The following VPS13C variants were observed in gnomAD, a reference collection of about 807,000 sequenced individuals.
VPS13C encodes intermembrane lipid transfer protein VPS13C.
In VPS13C, 358 loss-of-function variants were observed where a neutral mutation model predicts 456.8. The ratio of observed to expected loss-of-function variants is 0.78; its 90% CI spans 0.72 to 0.86. VPS13C has a LOEUF of 0.86. VPS13C is among the 40% of genes least tolerant of loss of function. The probability of loss-of-function intolerance (pLI) is 0.00; values close to 1 mark genes in which losing one functional copy is unlikely to be tolerated. For missense variants in VPS13C, 4,818 were observed against 4,385.4 expected (o/e 1.10, Z -2.79); for synonymous variants, 1,578 against 1,486.7 (o/e 1.06, Z -1.41).
Position 61,891,361 on chromosome 15 carries a change from A to G in VPS13C, c.9106-961T>C, listed in dbSNP as rs952365609. 2.0e-4 allele frequency among the ~76,000 whole-genome samples: 30 copies of G among 152,202 alleles called. 1 individual carries two copies. Among genetic ancestry groups the G allele is most frequent in the Admixed American group, 2.0e-3 (30 of 15,284 alleles). ...CAACTGAAGTTACCAAGAGTATAAG[A>G]ATAGTTGAGTGTCACTAATGTTCAA... On this transcript the variant is annotated intron_variant, in intron 66 of 84. Transcript: ENST00000644861.
chr15:61,987,371 A>C (rs1224588985), intron 18 of VPS13C, among the ~76,000 whole-genome samples: 1 of 152,214 alleles, frequency 6.6e-6, no homozygotes, highest in Non-Finnish European at 1.5e-5. Context: ...ACAGTTCCAC[A>C]CGGCTGGGGA....
Position 61,974,436 on chromosome 15 carries a change from G to C in VPS13C, c.2409-19C>G, listed in dbSNP as rs370898479. 60 of 1,608,436 alleles carry C rather than the reference G, an allele frequency of 3.7e-5. No individual in the cohort carries two copies. The highest frequency in any genetic ancestry group is 2.0e-4 in the Admixed American group (12 of 59,730). Reference sequence around the variant, plus strand: ...TTTAAATCTAAAAATACAATTCAGTGGTTTTAAGTCAGCATCTCTACATTA... The same window carrying C: ...TTTAAATCTAAAAATACAATTCAGTCGTTTTAAGTCAGCATCTCTACATTA... On this transcript the variant is annotated intron_variant, in intron 24 of 84. Transcript: ENST00000644861.
intron 16 of VPS13C, among the ~76,000 whole-genome samples, chr15:62,000,112 A>G (rs1467123241): frequency 6.6e-6 from 1 of 152,134 alleles, no homozygotes; most frequent in Non-Finnish European, 1.5e-5. Context: ...CTGTAATCCC[A>G]GCACTTTGAG....
Position 62,033,469 on chromosome 15 carries a change from T to C in VPS13C, c.357A>G (p.Glu119=). 2.5e-6 allele frequency: 4 copies of C among 1,606,444 alleles called. No homozygotes were observed. Among genetic ancestry groups the C allele is most frequent in the African/African-American group, 1.3e-5 (1 of 74,626 alleles). Reference sequence around the variant, plus strand: ...TTTCTGCTGCTTTTTGAAGGGCTTCTTCAATTCGGGATAGCTCTTTCTGTT... The same window carrying C: ...TTTCTGCTGCTTTTTGAAGGGCTTCCTCAATTCGGGATAGCTCTTTCTGTT... ...DVKQKELSRI[E]EALQKAAEKG... Residue 119 remains glutamate, a synonymous_variant, in exon 5 of 85, where the codon GAA becomes GAG. Transcript: ENST00000644861.
intron 1 of VPS13C, among the ~76,000 whole-genome samples, chr15:62,047,715 T>C (rs1170132955): frequency 6.6e-6 from 1 of 152,162 alleles, no homozygotes; most frequent in African/African-American, 2.4e-5. Context: ...CTTATCTTGG[T>C]AAGGCACTGG....
At chr15:62,040,860 C>A (rs2048218509) in intron 3 of VPS13C, among the ~76,000 whole-genome samples, 1 of 152,152 alleles carries the variant, frequency 6.6e-6, no homozygotes, top group Non-Finnish European at 1.5e-5. Context: ...AGGAGTTTAA[C>A]TGCAGAGAGA....
rs1417082653 is a variant in VPS13C at position 61,917,489 on chromosome 15, G to A, written c.7907C>T (p.Pro2636Leu). The A allele has an allele frequency of 1.2e-6, 2 of 1,614,008 alleles. No homozygotes were observed. Among genetic ancestry groups the A allele is most frequent in the Non-Finnish European group, 8.5e-7 (1 of 1,179,920 alleles). ...QCPSVEVSFL[P>L]LIVNTVALPD... ...CAGAGCAACTGTATTCACTATGAGA[G>A]GTAAGAAGCTGACTTCTACTGATGG... is the stretch of plus-strand genomic sequence containing the variant. The change falls in exon 60 of 85, where the codon CCT becomes CTT. Residue 2636 changes from proline (P) to leucine (L), a missense_variant. By Grantham distance (98) the Pro-to-Leu change is moderately conservative. Transcript: ENST00000644861.
rs768124584 is a variant in VPS13C at position 62,010,564 on chromosome 15, T to C, written c.919A>G (p.Met307Val). 8.1e-6 allele frequency: 13 copies of C among 1,613,034 alleles called. No individual in the cohort carries two copies. The highest frequency in any genetic ancestry group is 1.1e-5 in the South Asian group (1 of 90,958). Residue 307 changes from methionine (M) to valine (V), a missense_variant, in exon 13 of 85, where the codon ATG (methionine) becomes GTG (valine). Transcript: ENST00000644861. ...QPISASAKLY[M>V]NPYAESELKT... Reference sequence around the variant, plus strand: ...AGCTCTGATTCTGCATAAGGATTCATGTAGAGTTTTGCAGAGGCTGATATT... The same window carrying C: ...AGCTCTGATTCTGCATAAGGATTCACGTAGAGTTTTGCAGAGGCTGATATT...
Position 61,922,466 on chromosome 15 carries a change from C to T in VPS13C, c.6906G>A (p.Glu2302=). 6.2e-7 allele frequency: 1 copy of T among 1,614,012 alleles called. No individual in the cohort carries two copies. Among genetic ancestry groups the T allele is most frequent in the Non-Finnish European group, 8.5e-7 (1 of 1,179,938 alleles). Residue 2302 remains glutamate, a synonymous_variant, in exon 54 of 85, where the codon GAG becomes GAA. Transcript: ENST00000644861. The stretch of plus-strand genomic sequence containing the variant: ...TTTTAATATTTCCTGAAAACTTAGA[C>T]TCTGCCAATAATAAAGGTACAGTTC... ...GHRTVPLLLA[E]SKFSGNIKNW...
chr15:62,030,764 C>A (rs2047787797), intron 5 of VPS13C, among the ~76,000 whole-genome samples: 1 of 151,784 alleles, frequency 6.6e-6, no homozygotes, highest in Non-Finnish European at 1.5e-5. Context: ...AACAGGAAGT[C>A]CTAGATAATG....
At chr15:61,928,235 A>G (rs2043933453) in intron 51 of VPS13C, among the ~76,000 whole-genome samples, 1 of 152,160 alleles carries the variant, frequency 6.6e-6, no homozygotes, top group African/African-American at 2.4e-5. Flanking sequence ...AGTTCTTTTT[A>G]TCAGAATTAA....
chr15:61,924,721 A>G (rs2043787682), intron 53 of VPS13C, among the ~76,000 whole-genome samples: 1 of 152,182 alleles, frequency 6.6e-6, no homozygotes, highest in African/African-American at 2.4e-5. Flanking sequence ...TTTACATGGT[A>G]CTTCAAATGA....
At chr15:61,927,062 C>A (rs1213312761) in intron 52 of VPS13C, 29 bp downstream of exon 52, 1 of 1,593,316 alleles carries the variant, frequency 6.3e-7, no homozygotes, top group East Asian at 2.2e-5. Context: ...ATTCTTCAAC[C>A]CAAGATTAGG....
At chr15:62,018,908 G>A (rs377464815) in intron 9 of VPS13C, among the ~76,000 whole-genome samples, 8,912 of 151,956 alleles carry the variant, frequency 0.059, 317 homozygotes, top group Non-Finnish European at 0.08. Flanking sequence ...CTGTGAATCC[G>A]TCTGGTCCTG....
At chr15:62,020,405 T>C (rs2047419598) in intron 9 of VPS13C, 74 bp downstream of exon 9, 1 of 1,318,578 alleles carries the variant, frequency 7.6e-7, no homozygotes, top group Non-Finnish European at 1.0e-6. Flanking sequence ...TAGTTGATTC[T>C]AGACAATTTA....
At chr15:61,948,730 C>T (rs892880880) in intron 42 of VPS13C, among the ~76,000 whole-genome samples, 4 of 151,436 alleles carry the variant, frequency 2.6e-5, no homozygotes, top group Non-Finnish European at 5.9e-5. Context: ...TCTAACAGTA[C>T]TGACAGTTTT....
At chr15:62,006,537 C>A (rs1033534664) in intron 15 of VPS13C, among the ~76,000 whole-genome samples, 1 of 152,142 alleles carries the variant, frequency 6.6e-6, no homozygotes, top group African/African-American at 2.4e-5. Flanking sequence ...CAAGTCTTTG[C>A]TATTGTGAAT....
rs768369019 is a variant in VPS13C at position 61,961,627 on chromosome 15, A to G, written c.3870T>C (p.Asp1290=). Residue 1290 remains aspartate (D), a synonymous_variant, in exon 35 of 85, where the codon GAT becomes GAC. Coordinates refer to ENST00000644861, the MANE Select transcript of VPS13C (RefSeq NM_020821.3). ...DEDYLNPPVI[D]RMDVQLTKLT... Reference sequence around the variant, plus strand: ...GCTTTGTTAGCTGCACATCCATTCTATCAATTACTGGAGGATTTAAGTAGT... The same window carrying G: ...GCTTTGTTAGCTGCACATCCATTCTGTCAATTACTGGAGGATTTAAGTAGT... The G allele has an allele frequency of 1.2e-6, 2 of 1,611,820 alleles. No individual in the cohort carries two copies. The highest frequency in any genetic ancestry group is 4.5e-5 in the East Asian group (2 of 44,832).
intron 84 of VPS13C, 26 bp from the exon 85 acceptor site, chr15:61,854,584 A>C: frequency 1.2e-6 from 2 of 1,609,138 alleles, no homozygotes; most frequent in South Asian, 2.2e-5. Flanking sequence ...CTTATTATGA[A>C]TTTTAAAGAC....
Sources: allele counts gnomAD v4.1 joint callset (sites outside exome capture counted in the v4.1 genomes callset), GRCh38; gene constraint gnomAD v4.1.1; transcripts MANE v1.5; gene names NCBI Gene and HGNC (gene_info 2026-07-23, HGNC 2026-07-21).